SLC1A7: variants seen among roughly 807,000 people sequenced by gnomAD.
The protein encoded by SLC1A7 is solute carrier family 1 member 7, also known as excitatory amino acid transporter 5.
In SLC1A7, 40 loss-of-function variants were observed where a neutral mutation model predicts 47.7. The observed-to-expected ratio is 0.84, with a 90% CI of 0.65 to 1.09. The LOEUF is 1.09. Among genes scored for constraint, SLC1A7 ranks in the 50% least tolerant of loss-of-function variants. SLC1A7 has a pLI of 0.00. For missense variants in SLC1A7, 746 were observed against 769.5 expected (o/e 0.97, Z 0.36); for synonymous variants, 323 against 325.6 (o/e 0.99, Z 0.09).
rs114054727 is a variant in SLC1A7 at position 53,128,306 on chromosome 1, T to A, written c.215+6044A>T. 3.5e-3 allele frequency among the ~76,000 whole-genome samples: 526 copies of A among 152,300 alleles called. 3 individuals are homozygous for A. Among genetic ancestry groups the A allele is most frequent in the African/African-American group, 0.012 (496 of 41,556 alleles). Reference sequence around the variant, plus strand: ...CCTTGGCAACATAGTGAGAGCCCCATGTCTACCCAAAATTTAAAAAATTAG... The same window carrying A: ...CCTTGGCAACATAGTGAGAGCCCCAAGTCTACCCAAAATTTAAAAAATTAG... On this transcript the variant is annotated intron_variant, in intron 2 of 10. Coordinates refer to ENST00000371494, the MANE Select transcript of SLC1A7 (RefSeq NM_006671.6).
intron 5 of SLC1A7, among the ~76,000 whole-genome samples, chr1:53,095,525 C>T (rs1644475950): frequency 6.6e-6 from 1 of 150,828 alleles, no homozygotes; most frequent in African/African-American, 2.4e-5. Context: ...TGCCTCGTTA[C>T]ACTCACACCG....
At chr1:53,111,552 G>C (rs962670669) in intron 3 of SLC1A7, among the ~76,000 whole-genome samples, 2 of 152,178 alleles carry the variant, frequency 1.3e-5, no homozygotes, top group African/African-American at 4.8e-5. Flanking sequence ...GAAGGGCCAT[G>C]GCTTGGGATT....
chr1:53,103,392 G>A lies in SLC1A7; in HGVS notation c.651C>T (p.Ser217=), dbSNP rs556160382. ...EVVYKSEPGT[S]DGMNVLGIVF... is the part of the protein sequence containing the mutation. The stretch of plus-strand genomic sequence containing the variant: ...CGATGCCCAGCACATTCATGCCATC[G>A]CTGGTGCCCGGCTCTGACTTGTAAA... Residue 217 remains serine (S), a synonymous_variant, in exon 5 of 11, where the codon AGC becomes AGT. Transcript: ENST00000371494. The A allele has an allele frequency of 3.8e-5, 62 of 1,610,496 alleles. No individual in the cohort carries two copies. In the East Asian group the frequency reaches 1.1e-3, roughly 30 times the overall value.
intron 1 of SLC1A7, 70 bp downstream of exon 1, chr1:53,142,245 G>C: frequency 6.7e-7 from 1 of 1,491,670 alleles, no homozygotes; most frequent in Non-Finnish European, 9.0e-7. Context: ...ATGCTAGAAC[G>C]GGACCCCAGA....
intron 5 of SLC1A7, among the ~76,000 whole-genome samples, chr1:53,095,273 G>A (rs962424566): frequency 1.3e-5 from 2 of 151,834 alleles, no homozygotes; most frequent in Non-Finnish European, 2.9e-5. Context: ...GGACACAGGT[G>A]CACACAGACA....
chr1:53,119,543 G>A (rs1190310315), intron 2 of SLC1A7, among the ~76,000 whole-genome samples: 1 of 151,874 alleles, frequency 6.6e-6, no homozygotes, highest in African/African-American at 2.4e-5. Flanking sequence ...TAGAGATGGG[G>A]GTATCTTGAT....
At chr1:53,108,317 A>C (rs1383626744) in intron 3 of SLC1A7, 2 of 452,530 alleles carry the variant, frequency 4.4e-6, no homozygotes, top group African/African-American at 4.1e-5. Flanking sequence ...GAAGCTCGTA[A>C]GAAGCCAAAT....
At chr1:53,134,291 A>G in intron 2 of SLC1A7, 59 bp downstream of exon 2, 2 of 1,279,648 alleles carry the variant, frequency 1.6e-6, no homozygotes, top group South Asian at 1.3e-5. Flanking sequence ...CAGGGCAGCA[A>G]CAGAAGCCAT....
At chr1:53,139,427 C>T (rs1364959547) in intron 1 of SLC1A7, among the ~76,000 whole-genome samples, 2 of 152,092 alleles carry the variant, frequency 1.3e-5, no homozygotes, top group East Asian at 3.9e-4. Context: ...GCCCTCTCCC[C>T]AACACACACA....
At chr1:53,128,255 C>A (rs1490414121) in intron 2 of SLC1A7, among the ~76,000 whole-genome samples, 1 of 152,070 alleles carries the variant, frequency 6.6e-6, no homozygotes, top group African/African-American at 2.4e-5. Context: ...CAGGAGGATG[C>A]CTCGAGCCCA....
chr1:53,109,476 T>C (rs1043258788), intron 3 of SLC1A7, among the ~76,000 whole-genome samples: 10 of 152,190 alleles, frequency 6.6e-5, no homozygotes, highest in African/African-American at 2.4e-4. Flanking sequence ...TGAATTCCTG[T>C]CTTGGAGGGT....
chr1:53,121,564 G>T (rs936084414), intron 2 of SLC1A7, among the ~76,000 whole-genome samples: 1 of 152,252 alleles, frequency 6.6e-6, no homozygotes, highest in Non-Finnish European at 1.5e-5. Flanking sequence ...CAAGGCCCCC[G>T]ACAGCATGTG....
rs140673643 is a variant in SLC1A7 at position 53,120,811 on chromosome 1, C to T, written c.216-5838G>A. 7.7e-3 allele frequency among the ~76,000 whole-genome samples: 1,176 copies of T among 152,370 alleles called. 4 individuals carry two copies. Among genetic ancestry groups the T allele is most frequent in the Middle Eastern group, 0.024 (7 of 294 alleles). The stretch of plus-strand genomic sequence containing the variant: ...GTGCCGGGAGCCCAGTCCCCGCCTT[C>T]TTCTCCTTTCCTGTCCTGTGGATGC... On this transcript the variant is annotated intron_variant, in intron 2 of 10. Coordinates refer to ENST00000371494, the MANE Select transcript of SLC1A7 (RefSeq NM_006671.6).
intron 1 of SLC1A7, among the ~76,000 whole-genome samples, chr1:53,138,837 C>CT (rs1228481433): frequency 6.6e-5 from 10 of 152,124 alleles, no homozygotes; most frequent in African/African-American, 2.4e-4. Context: ...CTTAGTTCTT[C>CT]TATTTTTAAT....
intron 2 of SLC1A7, among the ~76,000 whole-genome samples, chr1:53,128,561 G>A (rs1644908027): frequency 7.0e-6 from 1 of 143,178 alleles, no homozygotes; most frequent in Admixed American, 7.0e-5. Flanking sequence ...TGGGTGCCAG[G>A]TGAGTGCATC....
chr1:53,141,042 G>C (rs1645051693), intron 1 of SLC1A7, among the ~76,000 whole-genome samples: 1 of 152,178 alleles, frequency 6.6e-6, no homozygotes, highest in South Asian at 2.1e-4. Context: ...TCTTCCAGGA[G>C]CCCATTGACA....
At chr1:53,113,987 G>A (rs2150332257) in intron 3 of SLC1A7, among the ~76,000 whole-genome samples, 1 of 152,190 alleles carries the variant, frequency 6.6e-6, no homozygotes, top group East Asian at 1.9e-4. Flanking sequence ...CTCACCGGCA[G>A]CCCCAGCTTC....
intron 2 of SLC1A7, among the ~76,000 whole-genome samples, chr1:53,123,104 G>T (rs952480632): frequency 6.6e-6 from 1 of 152,224 alleles, no homozygotes; most frequent in African/African-American, 2.4e-5. Context: ...CACAGCTGCA[G>T]CCCTCAGAGC....
At position 53,114,937 on chromosome 1, in the gene SLC1A7, G is replaced by A. The variant is rs974627471; in HGVS notation, c.252C>T (p.Thr84=). 1.4e-5 allele frequency: 23 copies of A among 1,614,122 alleles called. No individual in the cohort carries two copies. Among genetic ancestry groups the A allele is most frequent in the Non-Finnish European group, 1.9e-5 (22 of 1,180,028 alleles). ...MSGLASLDAK[T]SSRLGVLTVA... is the part of the protein sequence containing the mutation. ...CGGTGAGGACGCCCAGGCGGCTAGA[G>A]GTCTTGGCATCCAGGGAGGCAAGTC... Residue 84 remains threonine, a synonymous_variant, in exon 3 of 11, where the codon ACC becomes ACT. Transcript: ENST00000371494.
Sources: allele counts gnomAD v4.1 joint callset (sites outside exome capture counted in the v4.1 genomes callset), GRCh38; gene constraint gnomAD v4.1.1; transcripts MANE v1.5; gene names NCBI Gene and HGNC (gene_info 2026-07-23, HGNC 2026-07-21).